The following ENPEP variants were observed in gnomAD, a reference collection of about 807,000 sequenced individuals.
ENPEP encodes AP-A.
ENPEP carries 103 observed loss-of-function variants against 114.5 expected under a neutral mutation model. The observed-to-expected ratio is 0.90, with a 90% CI of 0.77 to 1.06. The LOEUF is 1.06. Ranked by LOEUF, ENPEP falls within the 50% of genes least tolerant of loss-of-function variation. The pLI is 0.00. For missense variants in ENPEP, 1,196 were observed against 1,161.3 expected, an observed-to-expected ratio of 1.03 and a Z score of -0.43; for synonymous variants, 420 against 422.0, an observed-to-expected ratio of 1.00 and a Z score of 0.06.
At chr4:110,555,645 T>A (rs2110400842) in intron 18 of ENPEP, among the ~76,000 whole-genome samples, 1 of 152,144 alleles carries the variant, frequency 6.6e-6, no homozygotes, top group East Asian at 1.9e-4. Flanking sequence ...TGGTGTGATT[T>A]TAGTTTATGA....
At chr4:110,534,673 A>AT (rs1214954271) in intron 11 of ENPEP, among the ~76,000 whole-genome samples, 5 of 150,668 alleles carry the variant, frequency 3.3e-5, no homozygotes, top group African/African-American at 1.2e-4. Context: ...TCAGCTGGAT[A>AT]TTTTTTTGTA....
At chr4:110,540,599 G>A (rs1726813304) in intron 11 of ENPEP, among the ~76,000 whole-genome samples, 1 of 152,064 alleles carries the variant, frequency 6.6e-6, no homozygotes, top group African/African-American at 2.4e-5. Context: ...TGACTTCCTG[G>A]ATCTCAGCTT....
rs1403824012 is a variant in ENPEP at position 110,548,285 on chromosome 4, A to C, written c.2110A>C (p.Ser704Arg). The change falls in exon 14 of 20, where the codon AGC becomes CGC. Residue 704 changes from serine to arginine, a missense_variant. Transcript: ENST00000265162. ...AATTTCAGCTGTAACCTACATCATT[A>C]GCATGTTTGAAGATGATAAAGAGCT... is the stretch of plus-strand genomic sequence containing the variant. ...RVISAVTYII[S>R]MFEDDKELYP... The C allele has an allele frequency of 1.2e-6, 2 of 1,605,044 alleles. No individual in the cohort carries two copies. Among genetic ancestry groups the C allele is most frequent in the African/African-American group, 2.7e-5 (2 of 74,434 alleles).
intron 11 of ENPEP, among the ~76,000 whole-genome samples, chr4:110,542,186 C>G (rs1398574489): frequency 6.6e-6 from 1 of 152,130 alleles, no homozygotes; most frequent in Non-Finnish European, 1.5e-5. Context: ...AATTCTATTG[C>G]AGGTCTTCTT....
intron 10 of ENPEP, among the ~76,000 whole-genome samples, chr4:110,528,426 A>T (rs1020883273): frequency 5.3e-5 from 8 of 152,318 alleles, no homozygotes; most frequent in South Asian, 4.1e-4. Flanking sequence ...CCTAACTTCC[A>T]TCTACTTTCT....
At chr4:110,538,539 A>T (rs998917721) in intron 11 of ENPEP, among the ~76,000 whole-genome samples, 2 of 152,172 alleles carry the variant, frequency 1.3e-5, no homozygotes, top group African/African-American at 4.8e-5. Context: ...GGAGAGCTAG[A>T]ACTTTCTCCA....
rs183179402 is a variant in ENPEP at position 110,497,552 on chromosome 4, A to G, written c.918+6388A>G. ...TGCAGTAATAATCACTAAGCATCAG[A>G]CAACTTAAATTTTAACTTAAATGGA... On this transcript the variant is annotated intron_variant, in intron 3 of 19. Coordinates refer to ENST00000265162, the MANE Select transcript of ENPEP (RefSeq NM_001977.4). Among the ~76,000 whole-genome samples, 613 of 152,280 alleles carry G rather than the reference A, an allele frequency of 4.0e-3. 16 individuals are homozygous for G. The highest frequency in any genetic ancestry group is 0.037 in the Admixed American group (565 of 15,288).
At position 110,520,180 on chromosome 4, in the gene ENPEP, T is replaced by C. The variant is rs762804666; in HGVS notation, c.1576-35T>C. 3.7e-6 allele frequency: 6 copies of C among 1,603,126 alleles called. No individual in the cohort carries two copies. In the South Asian group the frequency reaches 6.6e-5, roughly 18 times the overall value. ...TATCCTTTTATTTTCTCATATTTGTTAATTAATTAATCTCCATTTTGTTTT... is the reference window on the plus strand; with the variant it reads ...TATCCTTTTATTTTCTCATATTTGTCAATTAATTAATCTCCATTTTGTTTT... On this transcript the variant is annotated intron_variant, in intron 9 of 19. Transcript: ENST00000265162.
At chr4:110,501,445 T>G (rs1286497100) in intron 3 of ENPEP, among the ~76,000 whole-genome samples, 6 of 152,154 alleles carry the variant, frequency 3.9e-5, no homozygotes, top group Admixed American at 2.6e-4. Context: ...CCTCTCTACT[T>G]TCAAGTAGGC....
rs192941246 is a variant in ENPEP, at chr4:110,560,746, G to A, written c.2722-660G>A. Among the ~76,000 whole-genome samples the A allele has an allele frequency of 1.2e-4, 18 of 152,196 alleles. 1 individual carries two copies. Among genetic ancestry groups the A allele is most frequent in the South Asian group, 4.2e-4 (2 of 4,808 alleles). On this transcript the variant is annotated intron_variant, in intron 19 of 19. Coordinates refer to ENST00000265162, the MANE Select transcript of ENPEP (RefSeq NM_001977.4). Reference sequence around the variant, plus strand: ...TTCAAAACTAATCTCAAATCTTTCCGGTTTCAAATATCTCAAGTCCAAAGG... The same window carrying A: ...TTCAAAACTAATCTCAAATCTTTCCAGTTTCAAATATCTCAAGTCCAAAGG...
intron 3 of ENPEP, among the ~76,000 whole-genome samples, chr4:110,492,766 A>T (rs989577404): frequency 6.6e-6 from 1 of 152,186 alleles, no homozygotes; most frequent in African/African-American, 2.4e-5. Context: ...CTCTTGCTTA[A>T]TATAGAGGTG....
At chr4:110,537,405 G>A (rs1348616983) in intron 11 of ENPEP, among the ~76,000 whole-genome samples, 4 of 152,188 alleles carry the variant, frequency 2.6e-5, no homozygotes, top group South Asian at 4.2e-4. Context: ...TCAAGAAACC[G>A]CTTTCTTTGC....
intron 11 of ENPEP, among the ~76,000 whole-genome samples, chr4:110,537,117 G>T (rs776433630): frequency 1.3e-5 from 2 of 152,204 alleles, no homozygotes; most frequent in Non-Finnish European, 2.9e-5. Context: ...CCTCAGTGTT[G>T]ATGGCTGCTA....
intron 8 of ENPEP, chr4:110,515,840 C>T (rs1222985733): frequency 2.2e-6 from 1 of 456,138 alleles, no homozygotes; most frequent in Non-Finnish European, 4.4e-6. Flanking sequence ...TGAAGCCTCT[C>T]TTCCGGGCTT....
chr4:110,489,215 A>G (rs1724610973), intron 2 of ENPEP, among the ~76,000 whole-genome samples: 1 of 152,074 alleles, frequency 6.6e-6, no homozygotes, highest in Non-Finnish European at 1.5e-5. Context: ...CTGGAGAAAA[A>G]AAAAAAACAG....
chr4:110,525,421 A>G (rs970096963), intron 10 of ENPEP, among the ~76,000 whole-genome samples: 3 of 152,234 alleles, frequency 2.0e-5, no homozygotes, highest in Admixed American at 6.5e-5. Flanking sequence ...ACCCATGCCC[A>G]GTTTTTATTG....
At chr4:110,547,705 A>T (rs1311614053) in intron 13 of ENPEP, among the ~76,000 whole-genome samples, 1 of 152,104 alleles carries the variant, frequency 6.6e-6, no homozygotes, top group Non-Finnish European at 1.5e-5. Flanking sequence ...ATAAAAGTTC[A>T]ATTTGAATGT....
chr4:110,520,299 A>T lies in ENPEP; in HGVS notation c.1660A>T (p.Asn554Tyr). Residue 554 changes from asparagine (N) to tyrosine (Y), a missense_variant, in exon 10 of 20, where the codon AAC becomes TAC. Coordinates refer to ENST00000265162, the MANE Select transcript of ENPEP (RefSeq NM_001977.4). ...YPVLNVNGVK[N>Y]ITQKRFLLDP... ...TGTGCTTAACGTGAACGGTGTCAAG[A>T]ACATCACACAGAAACGCTTTTTGTT... 6.2e-7 allele frequency: 1 copy of T among 1,614,160 alleles called. No individual in the cohort carries two copies. The highest frequency in any genetic ancestry group is 1.1e-5 in the South Asian group (1 of 91,084).
chr4:110,497,134 C>T (rs1230715672), intron 3 of ENPEP, among the ~76,000 whole-genome samples: 1 of 152,180 alleles, frequency 6.6e-6, no homozygotes, highest in Admixed American at 6.5e-5. Context: ...TAGCATTCCC[C>T]AGTGGATGTC....
Sources: allele counts gnomAD v4.1 joint callset (sites outside exome capture counted in the v4.1 genomes callset), GRCh38; gene constraint gnomAD v4.1.1; transcripts MANE v1.5; gene names NCBI Gene and HGNC (gene_info 2026-07-23, HGNC 2026-07-21).